Variants in ATOSA observed in about 807,000 individuals in gnomAD.
The protein encoded by ATOSA is atos homolog A, also known as atos homolog protein A.
the ATOSA span, among the ~76,000 whole-genome samples, chr15:52,662,929 G>A: frequency 2.0e-5 from 3 of 152,056 alleles, no homozygotes; most frequent in South Asian, 2.1e-4. Context: ...TTAGCTAACA[G>A]TAGATGCATG....
At chr15:52,635,080 C>A in the ATOSA span, among the ~76,000 whole-genome samples, 3 of 152,048 alleles carry the variant, frequency 2.0e-5, no homozygotes, top group African/African-American at 2.4e-5. Flanking sequence ...GATAAAAAAG[C>A]CAATCACCAA....
chr15:52,704,993 C>A, the ATOSA span, among the ~76,000 whole-genome samples: 2 of 152,176 alleles, frequency 1.3e-5, no homozygotes, highest in East Asian at 1.9e-4. Context: ...ACCCAGCAAT[C>A]CCATTACTGG....
chr15:52,617,391 T>G, the ATOSA span, among the ~76,000 whole-genome samples: 1 of 152,184 alleles, frequency 6.6e-6, no homozygotes, highest in Admixed American at 6.5e-5. Flanking sequence ...ATCTTGGACT[T>G]CCAGCCTTCA....
At chr15:52,650,158 T>C in the ATOSA span, among the ~76,000 whole-genome samples, 7 of 152,182 alleles carry the variant, frequency 4.6e-5, no homozygotes, top group South Asian at 4.1e-4. Context: ...TTGACTTTCA[T>C]GTGGTTAGTC....
At chr15:52,671,389 G>A in the ATOSA span, among the ~76,000 whole-genome samples, 5 of 152,130 alleles carry the variant, frequency 3.3e-5, no homozygotes, top group African/African-American at 4.8e-5. Context: ...CTACCCAGCT[G>A]CTCCTATTCC....
chr15:52,602,160 C>T, the ATOSA span, among the ~76,000 whole-genome samples: 11 of 152,144 alleles, frequency 7.2e-5, no homozygotes, highest in Non-Finnish European at 1.0e-4. Context: ...TATTTGTCTA[C>T]TCACTCACAA....
the ATOSA span, among the ~76,000 whole-genome samples, chr15:52,666,733 T>C: frequency 6.6e-6 from 1 of 152,180 alleles, no homozygotes; most frequent in East Asian, 1.9e-4. Flanking sequence ...TGTCTGTGTA[T>C]GGGGAAATGC....
the ATOSA span, among the ~76,000 whole-genome samples, chr15:52,621,993 C>T: frequency 6.6e-6 from 1 of 151,850 alleles, no homozygotes; most frequent in African/African-American, 2.4e-5. Flanking sequence ...ATCACAGGTG[C>T]GCTCCACCAT....
chr15:52,708,210 A>C, the ATOSA span, among the ~76,000 whole-genome samples: 1 of 152,196 alleles, frequency 6.6e-6, no homozygotes, highest in Non-Finnish European at 1.5e-5. Context: ...CCACAACCAG[A>C]CAGCTTACTC....
At chr15:52,584,938 A>G in the ATOSA span, 2 of 1,605,888 alleles carry the variant, frequency 1.2e-6, no homozygotes, top group East Asian at 2.2e-5. Context: ...TTAGGATTAA[A>G]TAAGGTCTGA....
At chr15:52,605,847 C>G in the ATOSA span, among the ~76,000 whole-genome samples, 2 of 151,890 alleles carry the variant, frequency 1.3e-5, no homozygotes, top group Admixed American at 6.6e-5. Context: ...TCCATGAACC[C>G]CAGTGGATGC....
At chr15:52,662,541 A>C in the ATOSA span, among the ~76,000 whole-genome samples, 60 of 151,988 alleles carry the variant, frequency 3.9e-4, no homozygotes, top group South Asian at 4.4e-3. Flanking sequence ...GAGGCCAAGG[A>C]GGGCGGATCA....
At chr15:52,662,718 T>C in the ATOSA span, among the ~76,000 whole-genome samples, 32 of 142,672 alleles carry the variant, frequency 2.2e-4, 1 homozygote, top group East Asian at 4.5e-3. Context: ...TGCAGTGAGC[T>C]GAGATCGAGC....
chr15:52,652,065 G>T, the ATOSA span: 2 of 1,459,356 alleles, frequency 1.4e-6, no homozygotes, highest in African/African-American at 1.4e-5. Flanking sequence ...AGGCAGCAGA[G>T]TAAGAGCGCA....
the ATOSA span, among the ~76,000 whole-genome samples, chr15:52,681,297 A>G: frequency 6.6e-6 from 1 of 152,220 alleles, no homozygotes; most frequent in Non-Finnish European, 1.5e-5. Flanking sequence ...ATATGCATTT[A>G]CTGAATACTA....
chr15:52,652,221 TGAAAG>T, the ATOSA span, among the ~76,000 whole-genome samples: 2 of 152,192 alleles, frequency 1.3e-5, no homozygotes, highest in African/African-American at 4.8e-5. Flanking sequence ...TTAGGCAACT[TGAAAG>T]GAAAGAACAG....
At chr15:52,610,170 A>G in the ATOSA span, 14 of 1,613,876 alleles carry the variant, frequency 8.7e-6, no homozygotes, top group Non-Finnish European at 1.1e-5. Context: ...TATGGTGCTG[A>G]TGAGTTTTAA....
At chr15:52,650,788 A>G in the ATOSA span, among the ~76,000 whole-genome samples, 2 of 152,214 alleles carry the variant, frequency 1.3e-5, no homozygotes, top group African/African-American at 4.8e-5. Flanking sequence ...CCACTTAGCC[A>G]TGTAAAACGA....
At chr15:52,605,572 C>T in the ATOSA span, among the ~76,000 whole-genome samples, 8 of 152,180 alleles carry the variant, frequency 5.3e-5, no homozygotes, top group Non-Finnish European at 7.4e-5. Flanking sequence ...TTGGGATTTT[C>T]GAACATTTCA....
Sources: gnomAD v4.1 joint callset for allele counts (sites outside exome capture counted in the v4.1 genomes callset) on GRCh38, gnomAD v4.1.1 for gene constraint, MANE v1.5 for transcripts, NCBI Gene and HGNC (gene_info 2026-07-23, HGNC 2026-07-21) for gene names.